BABAM2: variants seen among roughly 807,000 people sequenced by gnomAD.
BABAM2 encodes the protein BRISC and BRCA1-A complex member 2.
A neutral mutation model predicts 54.7 loss-of-function variants in BABAM2; 31 were observed. The ratio of observed to expected loss-of-function variants is 0.57; its 90% CI spans 0.43 to 0.77. The LOEUF (loss-of-function observed/expected upper bound fraction) is 0.77, where lower values mean the gene tolerates loss of function less well. BABAM2 is among the 30% of genes least tolerant of loss of function. The probability of loss-of-function intolerance (pLI) is 0.00; values close to 1 mark genes in which losing one functional copy is unlikely to be tolerated. For missense variants in BABAM2, 364 were observed against 455.8 expected (o/e 0.80, Z 1.83); for synonymous variants, 167 against 162.9 (o/e 1.03, Z -0.19).
In BABAM2 at chr2:28,315,446, CTTTTCTTTTCTTTTCTT is replaced by C. The variant is rs1185048751; in HGVS notation, c.1088+16958_1088+16974del. Reference sequence around the variant, plus strand: ...TTTTTCTTTTCTTTTCTTTTCTTTTCTTTTCTTTTCTTTTCTTTTCTTTTCTTTTCTTTTCTTTTCGA... The same window carrying C: ...TTTTTCTTTTCTTTTCTTTTCTTTTCTTCTTTTCTTTTCTTTTCTTTTCGA... On this transcript the variant is annotated intron_variant, in intron 11 of 11. Transcript: ENST00000379624. Among the ~76,000 whole-genome samples, 211 of 111,754 alleles carry C rather than the reference CTTTTCTTTTCTTTTCTT, an allele frequency of 1.9e-3. 1 individual carries two copies. Among genetic ancestry groups the C allele is most frequent in the African/African-American group, 6.2e-3 (204 of 32,934 alleles). The allele number at this position is 111,754 out of a possible 152,430, so 73.3% of individuals were successfully genotyped here.
intron 7 of BABAM2, among the ~76,000 whole-genome samples, chr2:28,135,416 C>G (rs1017024234): frequency 1.2e-4 from 18 of 152,118 alleles, no homozygotes; most frequent in African/African-American, 4.3e-4. Flanking sequence ...CTACTCCTTC[C>G]TTTTTTCAAC....
At chr2:27,964,805 C>G (rs1670721992) in intron 3 of BABAM2, among the ~76,000 whole-genome samples, 1 of 152,134 alleles carries the variant, frequency 6.6e-6, no homozygotes, top group African/African-American at 2.4e-5. Context: ...TCTCTGTTCT[C>G]AGTTCTGGAT....
intron 11 of BABAM2, among the ~76,000 whole-genome samples, chr2:28,335,282 G>A (rs1691346758): frequency 1.3e-5 from 2 of 150,068 alleles, no homozygotes; most frequent in Non-Finnish European, 2.9e-5. Context: ...CGATTCTCCT[G>A]CCTCAGCTTC....
intron 6 of BABAM2, among the ~76,000 whole-genome samples, chr2:28,070,551 C>CTTTTTTTTT (rs779324534): frequency 2.3e-5 from 2 of 85,742 alleles, no homozygotes; most frequent in Admixed American, 1.0e-4. Context: ...AAGTACTTTT[C>CTTTTTTTTT]TTTTCTTTTT....
At chr2:28,301,070 G>GA (rs1688063503) in intron 11 of BABAM2, among the ~76,000 whole-genome samples, 1 of 152,226 alleles carries the variant, frequency 6.6e-6, no homozygotes, top group Admixed American at 6.5e-5. Context: ...GATGGAAAGA[G>GA]AGGAGGGTCA....
chr2:27,951,743 A>C (rs1266842437), intron 3 of BABAM2, among the ~76,000 whole-genome samples: 1 of 151,784 alleles, frequency 6.6e-6, no homozygotes, highest in Non-Finnish European at 1.5e-5. Flanking sequence ...GGAACAGGTG[A>C]TGTTTGTTTA....
At position 28,111,134 on chromosome 2, in the gene BABAM2, AT is replaced by A. The variant is rs1334594801; in HGVS notation, c.571-18122del. Among the ~76,000 whole-genome samples, 715 of 101,832 alleles carry A rather than the reference AT, an allele frequency of 7.0e-3. 2 individuals are homozygous for A. Among genetic ancestry groups the A allele is most frequent in the African/African-American group, 0.014 (291 of 20,888 alleles). 66.8% of individuals were successfully genotyped at this position (101,832 alleles called of 152,430 possible). A position where few individuals can be genotyped will look rare whatever the true frequency, so the allele number is the denominator to read the frequency against. ...CAGGCCTGCACCACCACGCCTGGCTATTTTTTTTTTTTTTTGTATTTTTTTT... is the reference window on the plus strand; with the variant it reads ...CAGGCCTGCACCACCACGCCTGGCTATTTTTTTTTTTTTTGTATTTTTTTT... On this transcript the variant is annotated intron_variant, in intron 6 of 11. Coordinates refer to ENST00000379624, the MANE Select transcript of BABAM2 (RefSeq NM_199191.3).
At chr2:28,059,768 G>T (rs1321274435) in intron 6 of BABAM2, among the ~76,000 whole-genome samples, 1 of 152,144 alleles carries the variant, frequency 6.6e-6, no homozygotes, top group Non-Finnish European at 1.5e-5. Context: ...GGCCATATTT[G>T]CTTGTGTGTT....
In BABAM2 at chr2:27,984,607, T is replaced by C. The variant is rs147773529; in HGVS notation, c.206-3386T>C. On this transcript the variant is annotated intron_variant, in intron 3 of 11. Coordinates refer to ENST00000379624, the MANE Select transcript of BABAM2 (RefSeq NM_199191.3). ...CCTACAGAAGCTCCAGGAGTGACTT[T>C]GCTATGACTTCTTCTTCTTTTTTTA... Among the ~76,000 whole-genome samples the C allele has an allele frequency of 5.4e-3, 821 of 152,242 alleles. 6 individuals are homozygous for C. Among genetic ancestry groups the C allele is most frequent in the African/African-American group, 0.019 (792 of 41,592 alleles).
chr2:28,205,373 C>T lies in BABAM2; in HGVS notation c.681-31829C>T, dbSNP rs190340873. On this transcript the variant is annotated intron_variant, in intron 7 of 11. Transcript: ENST00000379624. ...AAAAAATTAGCTGGGCATGATGGCA[C>T]GTGCCTGTGGTCCTAGCTACTCGGG... Among the ~76,000 whole-genome samples, 25 of 152,134 alleles carry T rather than the reference C, an allele frequency of 1.6e-4. No individual in the cohort carries two copies. The East Asian group carries it at 3.5e-3, about 21-fold the overall frequency.
At chr2:28,331,677 G>A (rs1027026394) in intron 11 of BABAM2, among the ~76,000 whole-genome samples, 17 of 152,220 alleles carry the variant, frequency 1.1e-4, no homozygotes, top group African/African-American at 3.9e-4. Context: ...ATAGATGCCA[G>A]CAAGGCTGTG....
At position 28,325,975 on chromosome 2, in the gene BABAM2, G is replaced by A. The variant is rs1690415639; in HGVS notation, c.1089-12475G>A. 6.6e-6 allele frequency among the ~76,000 whole-genome samples: 1 copy of A among 152,194 alleles called. No homozygotes were observed. The highest frequency in any genetic ancestry group is 1.5e-5 in the Non-Finnish European group (1 of 68,032). On this transcript the variant is annotated intron_variant, in intron 11 of 11. Transcript: ENST00000379624. This position sits in a 1 kb window ranked among gnomAD's most constrained non-coding sequence, Gnocchi z 4.3. ...TAAGTGTTCCTGAGGCCCTCCTTTG[G>A]GAGTCCTGCACTTTGCTGTGGAGGC...
At chr2:27,901,297 G>A (rs1665778589) in intron 2 of BABAM2, among the ~76,000 whole-genome samples, 1 of 152,062 alleles carries the variant, frequency 6.6e-6, no homozygotes, top group Non-Finnish European at 1.5e-5. Context: ...TGTCTGTTCA[G>A]CATTCTGGAA....
At chr2:28,148,255 C>G (rs1256168222) in intron 7 of BABAM2, among the ~76,000 whole-genome samples, 1 of 152,204 alleles carries the variant, frequency 6.6e-6, no homozygotes, top group South Asian at 2.1e-4. Context: ...TGATGTGATG[C>G]CCTTTGAATG....
rs571040143 is a variant in BABAM2 at position 28,006,104 on chromosome 2, T to C, written c.300+18017T>C. Reference sequence around the variant, plus strand: ...TTACTGGTTTTCTCCATCTTTTTTTTCCCCTTTTTTGCAATTTATAGCTGC... The same window carrying C: ...TTACTGGTTTTCTCCATCTTTTTTTCCCCCTTTTTTGCAATTTATAGCTGC... On this transcript the variant is annotated intron_variant, in intron 4 of 11. Coordinates refer to ENST00000379624, the MANE Select transcript of BABAM2 (RefSeq NM_199191.3). Among the ~76,000 whole-genome samples the C allele has an allele frequency of 8.7e-4, 132 of 152,162 alleles. 2 individuals are homozygous for C. Among genetic ancestry groups the C allele is most frequent in the African/African-American group, 3.0e-3 (124 of 41,564 alleles).
At chr2:28,126,905 A>AT (rs978550967) in intron 6 of BABAM2, among the ~76,000 whole-genome samples, 1 of 146,422 alleles carries the variant, frequency 6.8e-6, no homozygotes, top group African/African-American at 2.5e-5. Flanking sequence ...GATGGTGAGC[A>AT]TTTTTTCATG....
At chr2:28,009,065 G>A (rs925578335) in intron 4 of BABAM2, among the ~76,000 whole-genome samples, 14 of 152,100 alleles carry the variant, frequency 9.2e-5, no homozygotes, top group Admixed American at 3.3e-4. Flanking sequence ...AAGGTCTAGC[G>A]AGTTTATATG....
At chr2:28,013,466 A>T (rs1414256888) in intron 4 of BABAM2, 2 of 444,182 alleles carry the variant, frequency 4.5e-6, no homozygotes, top group Non-Finnish European at 9.0e-6. Flanking sequence ...TACCAGTCCT[A>T]TCACAAACTT....
chr2:28,254,515 T>TA (rs11426388), intron 10 of BABAM2, among the ~76,000 whole-genome samples: 25,741 of 144,432 alleles, frequency 0.18, 2,269 homozygotes, highest in African/African-American at 0.2. Flanking sequence ...ACCTGTTAAT[T>TA]AAAAAAAAAA....
Sources: gnomAD v4.1 joint callset for allele counts (sites outside exome capture counted in the v4.1 genomes callset) on GRCh38, gnomAD v4.1.1 for gene constraint, Gnocchi (gnomAD v3.1) non-coding constraint, MANE v1.5 for transcripts, NCBI Gene and HGNC (gene_info 2026-07-23, HGNC 2026-07-21) for gene names.